Variants in ALDH1L1 observed in about 807,000 individuals in gnomAD.
The protein encoded by ALDH1L1 is aldehyde dehydrogenase 1 family member L1, also known as cytosolic 10-formyltetrahydrofolate dehydrogenase.
Under a neutral mutation model 101.1 loss-of-function variants are expected in ALDH1L1, and 68 were observed. The ratio of observed to expected loss-of-function variants is 0.67; its 90% CI spans 0.55 to 0.82. ALDH1L1 has a LOEUF of 0.82. Ranked by LOEUF, ALDH1L1 falls within the 40% of genes least tolerant of loss-of-function variation. The probability of loss-of-function intolerance (pLI) is 0.00; values close to 1 mark genes in which losing one functional copy is unlikely to be tolerated. For synonymous variants in ALDH1L1, 486 were observed against 470.8 expected (o/e 1.03, Z -0.42); for missense variants, 1,087 against 1,172.7 (o/e 0.93, Z 1.07).
At chr3:126,143,551 T>G (rs945902199) in intron 9 of ALDH1L1, among the ~76,000 whole-genome samples, 2 of 152,238 alleles carry the variant, frequency 1.3e-5, no homozygotes, top group African/African-American at 4.8e-5. Context: ...GGGAGACTAC[T>G]GTACTGGAAG....
intron 12 of ALDH1L1, among the ~76,000 whole-genome samples, chr3:126,134,910 G>A (rs1020594822): frequency 1.3e-5 from 2 of 152,090 alleles, no homozygotes; most frequent in East Asian, 1.9e-4. Context: ...GCTCCTTCCC[G>A]CCAGGCCCTG....
In ALDH1L1 at chr3:126,124,569, G is replaced by A. The variant is rs561995905; in HGVS notation, c.1801-118C>T. 7 of 816,700 alleles carry A rather than the reference G, an allele frequency of 8.6e-6. No homozygotes were observed. In the Admixed American group the frequency reaches 1.5e-4, roughly 18 times the overall value. The allele number at this position is 816,700 out of a possible 1,614,324, so 50.6% of individuals were successfully genotyped here. ...GCAGCAAGCTGGGAGAGTAGCTGCA[G>A]ATTGTGGCACCAGGAAGACCCCAGG... On this transcript the variant is annotated intron_variant, in intron 15 of 22. Transcript: ENST00000393434.
intron 1 of ALDH1L1, among the ~76,000 whole-genome samples, chr3:126,173,204 T>C (rs2081313688): frequency 6.6e-6 from 1 of 152,202 alleles, no homozygotes; most frequent in Admixed American, 6.5e-5. Context: ...TTATTCTTAA[T>C]CTGAGAGATA....
intron 9 of ALDH1L1, among the ~76,000 whole-genome samples, chr3:126,139,333 A>C (rs1321693016): frequency 6.6e-6 from 1 of 152,392 alleles, no homozygotes; most frequent in Middle Eastern, 3.4e-3. Context: ...ACAACACACA[A>C]TAAGGAACAC....
At chr3:126,175,558 T>A (rs1315536996) in intron 1 of ALDH1L1, among the ~76,000 whole-genome samples, 1 of 152,148 alleles carries the variant, frequency 6.6e-6, no homozygotes, top group Non-Finnish European at 1.5e-5. Context: ...GAAAATCAAT[T>A]AATGTAATCC....
At chr3:126,105,554 T>A in intron 22 of ALDH1L1, 172 bp downstream of exon 22, 1 of 750,384 alleles carries the variant, frequency 1.3e-6, no homozygotes, top group Non-Finnish European at 2.3e-6. Flanking sequence ...TCTGCAAGCA[T>A]CTTGCTCACG....
intron 1 of ALDH1L1, among the ~76,000 whole-genome samples, chr3:126,179,110 G>T (rs113114777): frequency 0.017 from 2,546 of 152,326 alleles, 59 homozygotes; most frequent in African/African-American, 0.056. Flanking sequence ...GCAGGGGCCT[G>T]CAGTGAAGCC....
intron 1 of ALDH1L1, among the ~76,000 whole-genome samples, chr3:126,161,879 T>A (rs1353636943): frequency 6.6e-6 from 1 of 152,170 alleles, no homozygotes; most frequent in African/African-American, 2.4e-5. Flanking sequence ...CCTCTTCTAG[T>A]CACTACATTC....
intron 1 of ALDH1L1, among the ~76,000 whole-genome samples, chr3:126,178,380 C>CAAAA (rs56979863): frequency 2.7e-5 from 2 of 73,298 alleles, no homozygotes; most frequent in East Asian, 3.8e-4. Flanking sequence ...GACCCTGTCT[C>CAAAA]AAAAAAAAAA....
chr3:126,126,490 G>A (rs2080187879), intron 14 of ALDH1L1, among the ~76,000 whole-genome samples: 1 of 152,198 alleles, frequency 6.6e-6, no homozygotes, highest in Non-Finnish European at 1.5e-5. Context: ...TTCCCCAAAA[G>A]AAAGCTGCTT....
chr3:126,130,223 C>T lies in ALDH1L1; in HGVS notation c.1694G>A (p.Gly565Glu). The change falls in exon 14 of 23, where the codon GGG (glycine) becomes GAG (glutamate). Residue 565 changes from glycine (G) to glutamate (E), a missense_variant and splice_region_variant. Gly to Glu is a moderately conservative substitution (Grantham distance 98). This residue lies in a region of ALDH1L1 where 442 missense variants were observed against 535.7 expected (regional missense o/e 0.83). Transcript: ENST00000393434. ...CACCTCGCCCTGGGCAGGAACTCAC[C>T]CAACAGGCTCCTTCCTGGTCAAGGT... Reference protein sequence around the residue: ...NLTLTRKEPVGVCGIIIPWNY... With the variant: ...NLTLTRKEPVEVCGIIIPWNY... 6.2e-7 allele frequency: 1 copy of T among 1,606,732 alleles called. No individual in the cohort carries two copies. The highest frequency in any genetic ancestry group is 1.1e-5 in the South Asian group (1 of 89,624).
In ALDH1L1 at chr3:126,111,233, G is replaced by A. The variant is rs569033931; in HGVS notation, c.2182-1124C>T. Among the ~76,000 whole-genome samples, 9 of 152,316 alleles carry A rather than the reference G, an allele frequency of 5.9e-5. No homozygotes were observed. In the South Asian group the frequency reaches 6.2e-4, roughly 11 times the overall value. On this transcript the variant is annotated intron_variant, in intron 19 of 22. Transcript: ENST00000393434. ...TTTCCTCACCCCTTGAATCTGGGCC[G>A]GCCTGTGACTTGCTTAGGCAGCACA...
intron 1 of ALDH1L1, among the ~76,000 whole-genome samples, chr3:126,168,669 G>A (rs1166897488): frequency 6.6e-6 from 1 of 152,004 alleles, no homozygotes; most frequent in African/African-American, 2.4e-5. Flanking sequence ...CCTAACCCCT[G>A]GCTTTTCGGT....
At chr3:126,130,769 A>T (rs2080284882) in intron 13 of ALDH1L1, among the ~76,000 whole-genome samples, 1 of 152,216 alleles carries the variant, frequency 6.6e-6, no homozygotes, top group Admixed American at 6.5e-5. Flanking sequence ...CAGAGACGCC[A>T]TGAGTCCTGC....
At chr3:126,197,053 C>T (rs189489643) in intron 1 of ALDH1L1, among the ~76,000 whole-genome samples, 5 of 152,298 alleles carry the variant, frequency 3.3e-5, no homozygotes, top group African/African-American at 9.6e-5. Context: ...CACGAAGTTA[C>T]AAGTTCAAGC....
intron 18 of ALDH1L1, among the ~76,000 whole-genome samples, 170 bp downstream of exon 18, chr3:126,114,387 G>A (rs1038195504): frequency 1.4e-4 from 21 of 152,164 alleles, no homozygotes; most frequent in African/African-American, 4.8e-4. Context: ...GAGGGCACAC[G>A]TCATTCTTCC....
In ALDH1L1 at chr3:126,147,372, C is replaced by G. The variant is rs193252789; in HGVS notation, c.985-446G>C. Among the ~76,000 whole-genome samples the G allele has an allele frequency of 1.8e-4, 27 of 152,334 alleles. No individual in the cohort carries two copies. The East Asian group carries it at 2.5e-3, about 14-fold the overall frequency. ...GGGTGTTGTAGCAGCAGGCTGGAGA[C>G]AGGGTGGGCCTGAAGGTGACTATGA... On this transcript the variant is annotated intron_variant, in intron 8 of 22. Transcript: ENST00000393434.
intron 16 of ALDH1L1, 53 bp from the exon 17 acceptor site, chr3:126,118,151 G>A: frequency 6.9e-7 from 1 of 1,458,016 alleles, no homozygotes; most frequent in Non-Finnish European, 9.5e-7. Context: ...TGCTGGGGAG[G>A]CAGGAGCCCA....
intron 9 of ALDH1L1, 57 bp from the exon 10 acceptor site, chr3:126,138,017 G>A (rs560053740): frequency 2.8e-5 from 45 of 1,600,084 alleles, no homozygotes; most frequent in African/African-American, 6.7e-5. Context: ...GGCCTGCATC[G>A]CTAGCAGCAG....
Sources: allele counts gnomAD v4.1 joint callset (sites outside exome capture counted in the v4.1 genomes callset), GRCh38; gene constraint gnomAD v4.1.1; regional missense constraint gnomAD v4.1.1; transcripts MANE v1.5; gene names NCBI Gene and HGNC (gene_info 2026-07-23, HGNC 2026-07-21).